The following CNIH3 variants were observed in gnomAD, a reference collection of about 807,000 sequenced individuals.
The protein encoded by CNIH3 is protein cornichon homolog 3.
Under a neutral mutation model 24.1 loss-of-function variants are expected in CNIH3, and 14 were observed. The ratio of observed to expected loss-of-function variants is 0.58; its 90% CI spans 0.38 to 0.91. The LOEUF (loss-of-function observed/expected upper bound fraction) is 0.91. Among genes scored for constraint, CNIH3 ranks in the 40% least tolerant of loss-of-function variants. The pLI, the probability that CNIH3 is intolerant of heterozygous loss-of-function variation, is 0.00. For missense variants in CNIH3, 178 were observed against 196.8 expected (o/e 0.90, Z 0.57); for synonymous variants, 68 against 73.8 (o/e 0.92, Z 0.40).
Position 224,687,816 on chromosome 1 carries a change from A to G in CNIH3, c.198+2973A>G, listed in dbSNP as rs1572724570. On this transcript the variant is annotated intron_variant, in intron 3 of 5. Coordinates refer to ENST00000272133, the MANE Select transcript of CNIH3 (RefSeq NM_152495.2). ...CAAACAAGGCACGAGGGAATCTCAA[A>G]TCCACCTCCTCGAGAAGTTTTGGGC... Among the ~76,000 whole-genome samples, 5 of 152,316 alleles carry G rather than the reference A, an allele frequency of 3.3e-5. No homozygotes were observed. The South Asian group carries it at 1.0e-3, about 32-fold the overall frequency.
At chr1:224,660,895 T>C (rs1430509641) in intron 1 of CNIH3, among the ~76,000 whole-genome samples, 1 of 152,182 alleles carries the variant, frequency 6.6e-6, no homozygotes, top group African/African-American at 2.4e-5. Flanking sequence ...GTCCTACCAC[T>C]GAAGAGTCAA....
At chr1:224,439,467 A>G (rs6687870) in intron 1 of CNIH3, among the ~76,000 whole-genome samples, 149,134 of 152,088 alleles carry the variant, frequency 0.98, 73,181 homozygotes, top group East Asian at 1. Flanking sequence ...AAACGAGATC[A>G]TTCTTTTCCT....
Position 224,661,520 on chromosome 1 carries a change from C to A in CNIH3, c.82-19438C>A, listed in dbSNP as rs185602231. 255 of 322,128 alleles carry A rather than the reference C, an allele frequency of 7.9e-4. 1 individual carries two copies. In the East Asian group the frequency reaches 0.021, roughly 26 times the overall value. The allele number at this position is 322,128 out of a possible 1,614,324, so 20.0% of individuals were successfully genotyped here. A position where few individuals can be genotyped will look rare whatever the true frequency, so the allele number is the denominator to read the frequency against. ...CTCCCTTGGGGACCCCTTTGATTCCCAAAGAAGTCCTCAAATAGATTTTCA... is the reference window on the plus strand; with the variant it reads ...CTCCCTTGGGGACCCCTTTGATTCCAAAAGAAGTCCTCAAATAGATTTTCA... On this transcript the variant is annotated intron_variant, in intron 1 of 5. Coordinates refer to ENST00000272133, the MANE Select transcript of CNIH3 (RefSeq NM_152495.2).
At position 224,739,414 on chromosome 1, in the gene CNIH3, T is replaced by G; in HGVS notation, c.*58T>G. The G allele has an allele frequency of 1.8e-5, 28 of 1,580,006 alleles. No individual in the cohort carries two copies. Among genetic ancestry groups the G allele is most frequent in the Non-Finnish European group, 2.4e-5 (28 of 1,170,404 alleles). On this transcript the variant is annotated 3_prime_UTR_variant, in exon 6 of 6. Transcript: ENST00000272133. ...ATGGGAGAGGCCTGAGACGGAGAGG[T>G]GCATTTCTGCTGGTGACTGGAGGAG...
At chr1:224,613,057 G>T (rs951402753), upstream of CNIH3, among the ~76,000 whole-genome samples, 6 of 152,180 alleles carry the variant, frequency 3.9e-5, no homozygotes, top group Non-Finnish European at 8.8e-5. Context: ...GGGGTGCAGT[G>T]GCATGATCAC....
At chr1:224,710,812 A>C (rs1645883327) in intron 3 of CNIH3, among the ~76,000 whole-genome samples, 1 of 152,210 alleles carries the variant, frequency 6.6e-6, no homozygotes. Flanking sequence ...TTTCAGCTCA[A>C]GTGTCGTCTC....
chr1:224,561,195 A>G (rs1680359690), intron 3 of CNIH3, among the ~76,000 whole-genome samples: 2 of 152,168 alleles, frequency 1.3e-5, no homozygotes, highest in Admixed American at 6.5e-5. Flanking sequence ...TCACTCTTCT[A>G]CTTATCAAAA....
intron 1 of CNIH3, among the ~76,000 whole-genome samples, chr1:224,470,942 T>C (rs1236148034): frequency 1.3e-5 from 2 of 152,252 alleles, no homozygotes; most frequent in Admixed American, 6.5e-5. Context: ...TTATCGTTTG[T>C]GTTACAAACA....
intron 5 of CNIH3, among the ~76,000 whole-genome samples, chr1:224,737,967 A>C (rs944878736): frequency 4.6e-5 from 7 of 151,970 alleles, no homozygotes; most frequent in African/African-American, 1.7e-4. Flanking sequence ...TTTTTTTCCG[A>C]CCTGAAGTAG....
intron 3 of CNIH3, among the ~76,000 whole-genome samples, chr1:224,561,068 A>G (rs1680354261): frequency 6.6e-6 from 1 of 152,008 alleles, no homozygotes; most frequent in Non-Finnish European, 1.5e-5. Context: ...CCTTTGTTCT[A>G]CTGGGTTCTC....
intron 1 of CNIH3, among the ~76,000 whole-genome samples, chr1:224,498,820 G>A (rs1432105977): frequency 2.0e-5 from 3 of 152,230 alleles, no homozygotes; most frequent in Admixed American, 2.0e-4. Context: ...TGCTGCAACA[G>A]TGCAGCAGAA....
rs552762686 is a variant in CNIH3, at chr1:224,487,015, G to A, written n.204-28726G>A. On this transcript the variant is annotated intron_variant and non_coding_transcript_variant, in intron 1 of 5. Transcript: ENST00000471578. Reference sequence around the variant, plus strand: ...CAGATCTATAACCAAACTCATAAATGTCACATCCTAGACCCAGAGTCTCCT... The same window carrying A: ...CAGATCTATAACCAAACTCATAAATATCACATCCTAGACCCAGAGTCTCCT... Among the ~76,000 whole-genome samples, 567 of 152,268 alleles carry A rather than the reference G, an allele frequency of 3.7e-3. 4 individuals carry two copies. Among genetic ancestry groups the A allele is most frequent in the African/African-American group, 0.013 (534 of 41,552 alleles).
At chr1:224,464,705 A>T (rs1676080712) in intron 1 of CNIH3, among the ~76,000 whole-genome samples, 1 of 151,982 alleles carries the variant, frequency 6.6e-6, no homozygotes, top group Admixed American at 6.6e-5. Flanking sequence ...ACCAAACCAC[A>T]CTGTTTTGAT....
At chr1:224,668,836 G>C (rs913862056) in intron 1 of CNIH3, among the ~76,000 whole-genome samples, 16 of 151,990 alleles carry the variant, frequency 1.1e-4, no homozygotes, top group Admixed American at 2.0e-4. Flanking sequence ...GATTACCTGG[G>C]GTAGGCTCTG....
chr1:224,545,701 G>A (rs1679676766), intron 2 of CNIH3, among the ~76,000 whole-genome samples: 1 of 152,192 alleles, frequency 6.6e-6, no homozygotes, highest in African/African-American at 2.4e-5. Context: ...CTGGGTCAGG[G>A]ACTTGTGGCC....
chr1:224,681,909 T>G (rs2125145217), intron 2 of CNIH3, among the ~76,000 whole-genome samples: 1 of 152,332 alleles, frequency 6.6e-6, no homozygotes, highest in South Asian at 2.1e-4. Context: ...TTGAAGTTCC[T>G]TCCAGGCCAT....
intron 2 of CNIH3, 38 bp downstream of exon 2, chr1:224,681,064 CCCCAGGCTA>C (rs776534296): frequency 6.5e-7 from 1 of 1,540,920 alleles, no homozygotes; most frequent in South Asian, 1.1e-5. Context: ...GGTGCTATCA[CCCCAGGCTA>C]CCCAGGGCCT....
At chr1:224,680,838 C>T in intron 1 of CNIH3, 120 bp from the exon 2 acceptor site, 1 of 732,982 alleles carries the variant, frequency 1.4e-6, no homozygotes, top group Non-Finnish European at 2.4e-6. Flanking sequence ...TGGCCAATCT[C>T]ATGCCATCTA....
At chr1:224,619,801 T>C (rs1484717247) in intron 1 of CNIH3, among the ~76,000 whole-genome samples, 2 of 152,244 alleles carry the variant, frequency 1.3e-5, no homozygotes, top group African/African-American at 2.4e-5. Flanking sequence ...AATTGGGCGC[T>C]TAACAACATA....
Sources: allele counts gnomAD v4.1 joint callset (sites outside exome capture counted in the v4.1 genomes callset), GRCh38; gene constraint gnomAD v4.1.1; transcripts MANE v1.5; gene names NCBI Gene and HGNC (gene_info 2026-07-23, HGNC 2026-07-21).